MORC3: variants seen among roughly 807,000 people sequenced by gnomAD.
The protein encoded by MORC3 is MORC family CW-type zinc finger protein 3.
A neutral mutation model predicts 109.1 loss-of-function variants in MORC3; 31 were observed. The observed-to-expected ratio is 0.28, with a 90% CI of 0.21 to 0.38. The LOEUF is 0.38. Among genes scored for constraint, MORC3 ranks in the 10% least tolerant of loss-of-function variants. MORC3 has a pLI of 1.00. For synonymous variants in MORC3, 395 were observed against 380.7 expected (o/e 1.04, Z -0.44); for missense variants, 867 against 1,135.8 (o/e 0.76, Z 3.40).
At chr21:36,320,429 C>A (rs902140666) in intron 1 of MORC3, 126 bp downstream of exon 1, 1 of 955,174 alleles carries the variant, frequency 1.0e-6, no homozygotes, top group Non-Finnish European at 1.4e-6. Flanking sequence ...CGGCGGGGCC[C>A]GGGGAGGGGG....
rs771136578 is a variant in MORC3, at chr21:36,369,887, T to C, written c.2508+11T>C. ...CAGTATAAAAGTGAGGTGAGTTATATCATCCAACATGTAGTCATGGAGTCC... is the reference window on the plus strand; with the variant it reads ...CAGTATAAAAGTGAGGTGAGTTATACCATCCAACATGTAGTCATGGAGTCC... On this transcript the variant is annotated intron_variant, in intron 15 of 16. Coordinates refer to ENST00000400485, the MANE Select transcript of MORC3 (RefSeq NM_015358.3). 6 of 1,605,396 alleles carry C rather than the reference T, an allele frequency of 3.7e-6. No individual in the cohort carries two copies. The South Asian group carries it at 4.4e-5, about 12-fold the overall frequency.
chr21:36,361,697 G>A (rs2085718559), intron 12 of MORC3: 2 of 167,004 alleles, frequency 1.2e-5, no homozygotes, highest in Non-Finnish European at 1.3e-5. Context: ...GACCAGCCTG[G>A]CCAATGTGGT....
In MORC3 at chr21:36,375,308, T is replaced by C. The variant is rs774978754; in HGVS notation, c.*12T>C. 10 of 1,595,316 alleles carry C rather than the reference T, an allele frequency of 6.3e-6. No homozygotes were observed. The Admixed American group carries it at 1.6e-4, about 25-fold the overall frequency. ...TCAGTAGTACTTAAAGTATATGTTA[T>C]GTAAGATAAAATATTTGCTCAATTC... is the stretch of plus-strand genomic sequence containing the variant. On this transcript the variant is annotated 3_prime_UTR_variant, in exon 17 of 17. Transcript: ENST00000400485.
At chr21:36,352,876 C>G (rs2085589287) in intron 9 of MORC3, among the ~76,000 whole-genome samples, 1 of 150,682 alleles carries the variant, frequency 6.6e-6, no homozygotes, top group Admixed American at 6.6e-5. Context: ...ATGCTCGAGG[C>G]AGAATGATCA....
At chr21:36,362,474 T>C (rs117841015) in intron 13 of MORC3, among the ~76,000 whole-genome samples, 4,286 of 151,842 alleles carry the variant, frequency 0.028, 83 homozygotes, top group Admixed American at 0.048. Flanking sequence ...ACCTGGGAGG[T>C]AGCTGTTGCA....
At chr21:36,355,135 G>T (rs968508873) in intron 9 of MORC3, among the ~76,000 whole-genome samples, 23 of 152,102 alleles carry the variant, frequency 1.5e-4, no homozygotes, top group African/African-American at 5.6e-4. Flanking sequence ...CTTCCACAGC[G>T]TTAACAATCT....
chr21:36,335,310 AT>A (rs144473276), intron 2 of MORC3, among the ~76,000 whole-genome samples: 1,824 of 116,644 alleles, frequency 0.016, 22 homozygotes, highest in African/African-American at 0.055. Flanking sequence ...AAAAGAAGGA[AT>A]TTTTTTTTTT....
At chr21:36,368,490 A>G (rs1245612753) in intron 14 of MORC3, among the ~76,000 whole-genome samples, 1 of 152,214 alleles carries the variant, frequency 6.6e-6, no homozygotes, top group East Asian at 1.9e-4. Flanking sequence ...CTTCATCTGT[A>G]AAAAGAGAAA....
At chr21:36,339,694 G>A (rs992829906) in intron 5 of MORC3, among the ~76,000 whole-genome samples, 2 of 151,862 alleles carry the variant, frequency 1.3e-5, no homozygotes, top group East Asian at 1.9e-4. Flanking sequence ...AAAATCCTTC[G>A]CAAATAAATT....
At chr21:36,323,197 C>G (rs1327367997) in intron 1 of MORC3, among the ~76,000 whole-genome samples, 2 of 152,102 alleles carry the variant, frequency 1.3e-5, no homozygotes, top group Non-Finnish European at 2.9e-5. Context: ...AATTTCCTTC[C>G]TCTTTTCATG....
chr21:36,360,247 C>G lies in MORC3; in HGVS notation c.1395C>G (p.Thr465=). Residue 465 remains threonine, a synonymous_variant, in exon 12 of 17, where the codon ACC becomes ACG. Transcript: ENST00000400485. ...EDLVHPTYEK[T]YKKTNKEKFR... ...TGGTACATCCCACTTATGAAAAAAC[C>G]TACAAAAAGACGTGAGTGTTGTATT... is the stretch of plus-strand genomic sequence containing the variant. 6.8e-6 allele frequency: 11 copies of G among 1,613,598 alleles called. No homozygotes were observed. Among genetic ancestry groups the G allele is most frequent in the Non-Finnish European group, 9.3e-6 (11 of 1,179,738 alleles).
chr21:36,333,538 T>C, intron 1 of MORC3, 108 bp from the exon 2 acceptor site: 1 of 823,330 alleles, frequency 1.2e-6, no homozygotes. Context: ...AGCAGCTAAG[T>C]CACTTTTGTT....
intron 9 of MORC3, among the ~76,000 whole-genome samples, chr21:36,354,323 C>CTTTTTTTTTTTTTTTTT (rs144208712): frequency 1.4e-4 from 16 of 113,644 alleles, no homozygotes; most frequent in East Asian, 5.2e-4. Flanking sequence ...TTCTTTCTTT[C>CTTTTTTTTTTTTTTTTT]TTTTTTTTTT....
Position 36,369,380 on chromosome 21 carries a change from G to C in MORC3, c.2012G>C (p.Cys671Ser). The C allele has an allele frequency of 6.2e-7, 1 of 1,614,196 alleles. No homozygotes were observed. The highest frequency in any genetic ancestry group is 8.5e-7 in the Non-Finnish European group (1 of 1,180,040). ...VRNDAVILPS[C>S]VEAEAKIHET... The stretch of plus-strand genomic sequence containing the variant: ...AATGATGCAGTGATTCTGCCCTCCT[G>C]TGTAGAAGCTGAAGCAAAGATACAT... Residue 671 changes from cysteine (C) to serine (S), a missense_variant, in exon 15 of 17, where the codon TGT becomes TCT. Physicochemically the swap from Cys to Ser is moderately radical, Grantham distance 112 (BLOSUM62 -1). Around this residue, in one of 7 missense-constraint regions of MORC3, gnomAD observed 486 missense variants for 502.1 expected, o/e 0.97. Coordinates refer to ENST00000400485, the MANE Select transcript of MORC3 (RefSeq NM_015358.3).
chr21:36,326,931 T>A (rs982572642), intron 1 of MORC3, among the ~76,000 whole-genome samples: 1 of 151,092 alleles, frequency 6.6e-6, no homozygotes, highest in Non-Finnish European at 1.5e-5. Flanking sequence ...TTCTTGTGCC[T>A]CAGCCTCCCT....
chr21:36,348,714 T>G (rs1056979855), intron 8 of MORC3, among the ~76,000 whole-genome samples: 1 of 152,206 alleles, frequency 6.6e-6, no homozygotes, highest in Non-Finnish European at 1.5e-5. Context: ...TGGCAGGTAG[T>G]CCTTTTTCTC....
intron 14 of MORC3, among the ~76,000 whole-genome samples, chr21:36,365,317 T>G (rs894527908): frequency 3.3e-5 from 5 of 152,168 alleles, no homozygotes; most frequent in Non-Finnish European, 5.9e-5. Context: ...CCTCTTCCAA[T>G]TTAATAGAAT....
intron 2 of MORC3, among the ~76,000 whole-genome samples, chr21:36,336,589 C>G (rs998466242): frequency 2.6e-5 from 4 of 152,146 alleles, no homozygotes; most frequent in African/African-American, 9.7e-5. Flanking sequence ...ATTTTTCTTC[C>G]TTTGTACTTC....
chr21:36,335,518 A>G (rs150296649), intron 2 of MORC3, among the ~76,000 whole-genome samples: 68 of 151,968 alleles, frequency 4.5e-4, no homozygotes, highest in Admixed American at 4.1e-3. Flanking sequence ...GTTTCACCAT[A>G]TTGGTCAGGC....
Sources: gnomAD v4.1 joint callset for allele counts (sites outside exome capture counted in the v4.1 genomes callset) on GRCh38, gnomAD v4.1.1 for gene constraint, gnomAD v4.1.1 regional missense constraint, MANE v1.5 for transcripts, NCBI Gene and HGNC (gene_info 2026-07-23, HGNC 2026-07-21) for gene names.